The following PTN variants were observed in gnomAD, a reference collection of about 807,000 sequenced individuals.
PTN encodes the protein pleiotrophin, also known as heparin affin regulatory protein.
A neutral mutation model predicts 24.1 loss-of-function variants in PTN; 18 were observed. The ratio of observed to expected loss-of-function variants is 0.75; its 90% confidence interval spans 0.52 to 1.11. The LOEUF (loss-of-function observed/expected upper bound fraction) is 1.11, where lower values mean the gene tolerates loss of function less well. PTN is among the 50% of genes least tolerant of loss of function. PTN has a pLI of 0.00. For missense variants in PTN, 163 were observed against 198.8 expected, an observed-to-expected ratio of 0.82 and a Z score of 1.08; for synonymous variants, 78 against 68.6, an observed-to-expected ratio of 1.14 and a Z score of -0.67.
chr7:137,232,802 C>T (rs1210842876), intron 4 of PTN, among the ~76,000 whole-genome samples: 1 of 151,836 alleles, frequency 6.6e-6, no homozygotes, highest in Non-Finnish European at 1.5e-5. Flanking sequence ...CGGCAGTTTC[C>T]CCCATGCTAT....
At chr7:137,307,120 G>C (rs923248504) in intron 1 of PTN, among the ~76,000 whole-genome samples, 1 of 152,074 alleles carries the variant, frequency 6.6e-6, no homozygotes, top group African/African-American at 2.4e-5. Context: ...TTTGAATAAC[G>C]AATTTAAAGT....
At chr7:137,266,566 A>AAGG (rs1471672756) in intron 1 of PTN, among the ~76,000 whole-genome samples, 1 of 151,852 alleles carries the variant, frequency 6.6e-6, no homozygotes, top group Non-Finnish European at 1.5e-5. Context: ...CAACCAGTTA[A>AAGG]TTTATTTCAG....
intron 3 of PTN, among the ~76,000 whole-genome samples, chr7:137,251,715 G>A (rs1363449890): frequency 6.6e-6 from 1 of 151,490 alleles, no homozygotes; most frequent in Non-Finnish European, 1.5e-5. Flanking sequence ...CTTAATCCCC[G>A]GCAACTCCTT....
chr7:137,262,053 G>GTTTCTATGACATGCCTTGTGGAAGAT, intron 1 of PTN, among the ~76,000 whole-genome samples: 1 of 152,130 alleles, frequency 6.6e-6, no homozygotes, highest in African/African-American at 2.4e-5. Flanking sequence ...TTGTGGAAGA[G>GTTTCTATGACATGCCTTGTGGAAGAT]TTTCTATGAC....
chr7:137,338,546 C>T (rs1198829436), intron 1 of PTN, among the ~76,000 whole-genome samples: 1 of 152,142 alleles, frequency 6.6e-6, no homozygotes, highest in Non-Finnish European at 1.5e-5. Context: ...AATGTGATCC[C>T]TTTGTCATTG....
intron 1 of PTN, among the ~76,000 whole-genome samples, chr7:137,281,736 T>C (rs1809478228): frequency 6.6e-6 from 1 of 152,216 alleles, no homozygotes; most frequent in East Asian, 1.9e-4. Context: ...AAGACACTTT[T>C]AAAGATATAT....
intron 1 of PTN, among the ~76,000 whole-genome samples, chr7:137,331,456 C>T (rs558798379): frequency 1.2e-4 from 18 of 152,300 alleles, no homozygotes; most frequent in Non-Finnish European, 1.9e-4. Context: ...AGATACTAAA[C>T]GCATTTGACT....
chr7:137,266,457 A>G (rs1809147144), intron 1 of PTN, among the ~76,000 whole-genome samples: 1 of 152,236 alleles, frequency 6.6e-6, no homozygotes. Context: ...CATTTTTTGC[A>G]TAAATTTTTT....
At chr7:137,325,856 C>A (rs1355794596) in intron 1 of PTN, 1 of 152,186 alleles carries the variant, frequency 6.6e-6, no homozygotes, top group Non-Finnish European at 1.5e-5. Flanking sequence ...TCTCCTCGGC[C>A]AATTGGCCTC....
chr7:137,328,264 C>T (rs1810294690), intron 1 of PTN, among the ~76,000 whole-genome samples: 1 of 152,100 alleles, frequency 6.6e-6, no homozygotes, highest in African/African-American at 2.4e-5. Context: ...TAGGTTTTGC[C>T]TCTTGTCAAA....
chr7:137,327,400 A>T (rs1454594169), intron 1 of PTN, among the ~76,000 whole-genome samples: 1 of 151,354 alleles, frequency 6.6e-6, no homozygotes, highest in Non-Finnish European at 1.5e-5. Flanking sequence ...TGCACAAATC[A>T]GGCCCCTCTG....
intron 4 of PTN, among the ~76,000 whole-genome samples, chr7:137,240,376 C>T (rs1211683173): frequency 6.6e-6 from 1 of 152,016 alleles, no homozygotes; most frequent in African/African-American, 2.4e-5. Context: ...CTCCACTTCT[C>T]TGTCTCATAG....
chr7:137,289,650 C>A (rs966143696), intron 1 of PTN, among the ~76,000 whole-genome samples: 1 of 152,076 alleles, frequency 6.6e-6, no homozygotes, highest in African/African-American at 2.4e-5. Context: ...ATGGAGGGAT[C>A]ACGTGGCAAG....
intron 1 of PTN, among the ~76,000 whole-genome samples, chr7:137,270,902 G>A (rs1429441204): frequency 1.3e-5 from 2 of 152,174 alleles, no homozygotes; most frequent in East Asian, 1.9e-4. Context: ...AGCAAGTGAG[G>A]TATGGTATCT....
At chr7:137,327,768 C>G (rs1375999447) in intron 1 of PTN, among the ~76,000 whole-genome samples, 2 of 152,162 alleles carry the variant, frequency 1.3e-5, no homozygotes, top group Admixed American at 6.6e-5. Context: ...TTTTCCAGCT[C>G]TAAGTCTGCT....
At chr7:137,257,612 T>C (rs1354050063) in intron 1 of PTN, among the ~76,000 whole-genome samples, 1 of 152,260 alleles carries the variant, frequency 6.6e-6, no homozygotes, top group Non-Finnish European at 1.5e-5. Context: ...GCCTTCTTTC[T>C]GTCACTTTGG....
chr7:137,233,188 A>G (rs567004375), intron 4 of PTN, among the ~76,000 whole-genome samples: 2 of 152,096 alleles, frequency 1.3e-5, no homozygotes, highest in Admixed American at 6.6e-5. Context: ...GCCTTTAGGT[A>G]CGGTGAGACA....
chr7:137,314,896 G>A (rs1810045658), intron 1 of PTN, among the ~76,000 whole-genome samples: 1 of 152,056 alleles, frequency 6.6e-6, no homozygotes, highest in Non-Finnish European at 1.5e-5. Context: ...CCCGGCCCAT[G>A]TTGCTTTGTG....
At chr7:137,245,891 T>C (rs1221943287) in intron 4 of PTN, among the ~76,000 whole-genome samples, 2 of 152,256 alleles carry the variant, frequency 1.3e-5, no homozygotes, top group Non-Finnish European at 2.9e-5. Flanking sequence ...CTATGCAATG[T>C]TTTTGAACTT....
Sources: allele counts gnomAD v4.1 joint callset (sites outside exome capture counted in the v4.1 genomes callset), GRCh38; gene constraint gnomAD v4.1.1; transcripts MANE v1.5; gene names NCBI Gene and HGNC (gene_info 2026-07-23, HGNC 2026-07-21).